GALNT7: variants seen among roughly 807,000 people sequenced by gnomAD.
GALNT7 encodes the protein polypeptide N-acetylgalactosaminyltransferase 7.
In GALNT7, 60 loss-of-function variants were observed where a neutral mutation model predicts 82.1. The observed-to-expected ratio is 0.73, with a 90% CI of 0.59 to 0.91. The LOEUF is 0.91. Ranked by LOEUF, GALNT7 falls within the 40% of genes least tolerant of loss-of-function variation. GALNT7 has a pLI of 0.00. For missense variants in GALNT7, 660 were observed against 804.2 expected (o/e 0.82, Z 2.17); for synonymous variants, 243 against 275.1 (o/e 0.88, Z 1.15).
intron 7 of GALNT7, among the ~76,000 whole-genome samples, chr4:173,303,205 AAAG>A (rs1242293767): frequency 1.3e-5 from 2 of 152,120 alleles, no homozygotes; most frequent in East Asian, 1.9e-4. Flanking sequence ...AAAAAAAAAA[AAAG>A]AAAGAGCGAG....
chr4:173,318,315 A>G (rs1737677574), intron 10 of GALNT7, 116 bp from the exon 11 acceptor site: 1 of 742,422 alleles, frequency 1.3e-6, no homozygotes, highest in Admixed American at 3.2e-5. Flanking sequence ...AAACAAAATT[A>G]TGGAAAAATA....
chr4:173,289,912 C>T (rs1736472930), intron 2 of GALNT7, among the ~76,000 whole-genome samples: 1 of 152,116 alleles, frequency 6.6e-6, no homozygotes, highest in Admixed American at 6.5e-5. Context: ...TTTCCTTCTG[C>T]CTCAGTTCTA....
chr4:173,178,052 T>TGTGTGTGCGCGCGCGC (rs563102408), intron 1 of GALNT7, among the ~76,000 whole-genome samples: 16 of 129,512 alleles, frequency 1.2e-4, no homozygotes, highest in South Asian at 1.0e-3. Flanking sequence ...TGTGTGTGTG[T>TGTGTGTGCGCGCGCGC]GCGCGCACGC....
chr4:173,285,023 C>A (rs1479616288), intron 2 of GALNT7, among the ~76,000 whole-genome samples: 2 of 152,110 alleles, frequency 1.3e-5, no homozygotes, highest in African/African-American at 4.8e-5. Context: ...ATATATAATA[C>A]CCTTTTGAAT....
At chr4:173,253,604 G>A (rs1445194917) in intron 2 of GALNT7, among the ~76,000 whole-genome samples, 1 of 152,172 alleles carries the variant, frequency 6.6e-6, no homozygotes. Flanking sequence ...GAACAAAAGA[G>A]TTAGAAGCAG....
At chr4:173,178,046 T>TGCGC (rs1198017327) in intron 1 of GALNT7, among the ~76,000 whole-genome samples, 1,079 of 105,308 alleles carry the variant, frequency 0.01, 5 homozygotes, top group East Asian at 0.021. Context: ...TGTGTGTGTG[T>TGCGC]GTGTGTGCGC....
At chr4:173,279,789 A>G (rs1223638219) in intron 2 of GALNT7, among the ~76,000 whole-genome samples, 1 of 152,098 alleles carries the variant, frequency 6.6e-6, no homozygotes, top group African/African-American at 2.4e-5. Flanking sequence ...CCTGACCAAC[A>G]TAGCCAAACC....
intron 1 of GALNT7, among the ~76,000 whole-genome samples, chr4:173,183,645 C>A (rs551606538): frequency 6.6e-6 from 1 of 152,170 alleles, no homozygotes; most frequent in African/African-American, 2.4e-5. Flanking sequence ...CATCATGGCC[C>A]GTTCTCAATG....
At chr4:173,313,930 T>G (rs765334940) in intron 8 of GALNT7, 28 bp from the exon 9 acceptor site, 3 of 707,148 alleles carry the variant, frequency 4.2e-6, no homozygotes, top group South Asian at 2.4e-5. Flanking sequence ...TTTATAACGA[T>G]ATATATATAT....
chr4:173,246,988 C>T (rs1392481348), intron 1 of GALNT7, among the ~76,000 whole-genome samples: 1 of 152,054 alleles, frequency 6.6e-6, no homozygotes, highest in East Asian at 1.9e-4. Context: ...TCCCATTAAG[C>T]CAGTGATTCT....
intron 8 of GALNT7, among the ~76,000 whole-genome samples, chr4:173,304,702 A>G (rs542663468): frequency 2.0e-5 from 3 of 151,902 alleles, no homozygotes; most frequent in South Asian, 4.2e-4. Context: ...ACTCCCCCCA[A>G]TCCTCACCTT....
intron 7 of GALNT7, 71 bp from the exon 8 acceptor site, chr4:173,303,925 C>T (rs753808711): frequency 4.7e-6 from 6 of 1,273,172 alleles, no homozygotes; most frequent in Admixed American, 4.1e-5. Flanking sequence ...TTTACACTTA[C>T]AAGATAAATT....
intron 1 of GALNT7, among the ~76,000 whole-genome samples, chr4:173,216,417 G>A (rs1339910392): frequency 1.3e-5 from 2 of 152,116 alleles, no homozygotes; most frequent in African/African-American, 2.4e-5. Flanking sequence ...GTCTGTGTTC[G>A]AATCCTGACT....
At chr4:173,288,381 G>T (rs1226317706) in intron 2 of GALNT7, among the ~76,000 whole-genome samples, 2 of 151,848 alleles carry the variant, frequency 1.3e-5, no homozygotes, top group East Asian at 3.9e-4. Context: ...GATGGGTCAT[G>T]GAGCCTGGTC....
Position 173,310,602 on chromosome 4 carries a change from T to C in GALNT7, c.1390-3356T>C, listed in dbSNP as rs569593762. 2.6e-5 allele frequency among the ~76,000 whole-genome samples: 4 copies of C among 152,328 alleles called. No homozygotes were observed. The South Asian group carries it at 8.3e-4, about 32-fold the overall frequency. On this transcript the variant is annotated intron_variant, in intron 8 of 11. Transcript: ENST00000265000. ...GTTCTTTTAAAAATAATAATATTAATAATAGCTAACATATGGTAAGTACTT... is the reference window on the plus strand; with the variant it reads ...GTTCTTTTAAAAATAATAATATTAACAATAGCTAACATATGGTAAGTACTT...
intron 2 of GALNT7, among the ~76,000 whole-genome samples, chr4:173,280,258 C>T (rs1009925925): frequency 2.0e-5 from 3 of 152,100 alleles, no homozygotes; most frequent in African/African-American, 4.8e-5. Context: ...TGCAGGGACT[C>T]GCAGCCTCAA....
At chr4:173,266,849 G>T (rs1425064244) in intron 2 of GALNT7, among the ~76,000 whole-genome samples, 1 of 147,222 alleles carries the variant, frequency 6.8e-6, no homozygotes, top group Non-Finnish European at 1.5e-5. Flanking sequence ...TATAATGACG[G>T]CTACCTGAGG....
intron 1 of GALNT7, among the ~76,000 whole-genome samples, chr4:173,206,646 C>T (rs866683520): frequency 1.3e-5 from 2 of 152,120 alleles, no homozygotes; most frequent in African/African-American, 2.4e-5. Context: ...TTAGATTCTG[C>T]GAGATTTTTC....
intron 2 of GALNT7, among the ~76,000 whole-genome samples, chr4:173,259,661 A>G (rs1360195921): frequency 6.6e-6 from 1 of 151,714 alleles, no homozygotes; most frequent in Admixed American, 6.6e-5. Flanking sequence ...TTTGAGAGAG[A>G]GCGTCTCCCT....
Sources: gnomAD v4.1 joint callset for allele counts (sites outside exome capture counted in the v4.1 genomes callset) on GRCh38, gnomAD v4.1.1 for gene constraint, MANE v1.5 for transcripts, NCBI Gene and HGNC (gene_info 2026-07-23, HGNC 2026-07-21) for gene names.